PTPRN2: variants seen among roughly 807,000 people sequenced by gnomAD.
The protein encoded by PTPRN2 is protein tyrosine phosphatase receptor type N2.
A neutral mutation model predicts 118.8 loss-of-function variants in PTPRN2; 74 were observed. The ratio of observed to expected loss-of-function variants is 0.62; its 90% CI spans 0.52 to 0.76. PTPRN2 has a LOEUF of 0.76. PTPRN2 is among the 30% of genes least tolerant of loss of function. The probability of loss-of-function intolerance (pLI) is 0.00; values close to 1 mark genes in which losing one functional copy is unlikely to be tolerated. For missense variants in PTPRN2, 1,481 were observed against 1,394.4 expected, an observed-to-expected ratio of 1.06 and a Z score of -0.99; for synonymous variants, 641 against 608.0, an observed-to-expected ratio of 1.05 and a Z score of -0.80.
At chr7:158,071,018 C>CCTG (rs1554527892) in intron 11 of PTPRN2, among the ~76,000 whole-genome samples, 26 of 62,524 alleles carry the variant, frequency 4.2e-4, no homozygotes, top group East Asian at 2.3e-3. Flanking sequence ...TGGAGGTGCT[C>CCTG]GTGGTGGAGG....
intron 3 of PTPRN2, among the ~76,000 whole-genome samples, chr7:158,314,486 T>C (rs936553095): frequency 6.6e-5 from 10 of 152,260 alleles, no homozygotes; most frequent in African/African-American, 2.4e-4. Flanking sequence ...TACCCATATC[T>C]ACGTGCCCTG....
In PTPRN2 at chr7:157,917,426, G is replaced by A. The variant is rs190504317; in HGVS notation, c.1724-18689C>T. Among the ~76,000 whole-genome samples, 83 of 152,288 alleles carry A rather than the reference G, an allele frequency of 5.5e-4. 3 individuals are homozygous for A. In the East Asian group the frequency reaches 0.013, roughly 23 times the overall value. On this transcript the variant is annotated intron_variant, in intron 11 of 22. Coordinates refer to ENST00000389418, the MANE Select transcript of PTPRN2 (RefSeq NM_002847.5). Reference sequence around the variant, plus strand: ...AGCCCTTGTTTTCCAGCCATAACAGGGTAAATAAATGAGACTCTCATCTGC... The same window carrying A: ...AGCCCTTGTTTTCCAGCCATAACAGAGTAAATAAATGAGACTCTCATCTGC...
intron 10 of PTPRN2, among the ~76,000 whole-genome samples, chr7:158,105,058 A>G (rs1362060188): frequency 6.7e-6 from 1 of 149,240 alleles, no homozygotes; most frequent in South Asian, 2.1e-4. Context: ...AACTCCACTC[A>G]GCTCTATCAA....
At chr7:157,680,641 C>T (rs1008067177) in intron 13 of PTPRN2, among the ~76,000 whole-genome samples, 1 of 152,238 alleles carries the variant, frequency 6.6e-6, no homozygotes, top group Non-Finnish European at 1.5e-5. Context: ...GCACCTAGAA[C>T]TTTCTCACCG....
intron 1 of PTPRN2, among the ~76,000 whole-genome samples, chr7:158,528,813 A>G (rs1277537732): frequency 6.6e-6 from 1 of 151,966 alleles, no homozygotes; most frequent in African/African-American, 2.4e-5. Context: ...ACGGAAAAAA[A>G]AAAAAAAAGA....
intron 12 of PTPRN2, among the ~76,000 whole-genome samples, chr7:157,722,276 G>A (rs142073434): frequency 2.0e-5 from 3 of 152,354 alleles, no homozygotes; most frequent in East Asian, 1.9e-4. Flanking sequence ...GGGTGCTCAC[G>A]AATGCTGACT....
chr7:157,971,703 G>A (rs886943050), intron 11 of PTPRN2, among the ~76,000 whole-genome samples: 1 of 151,538 alleles, frequency 6.6e-6, no homozygotes, highest in East Asian at 1.9e-4. Context: ...AAGAAAGAAA[G>A]AAAAAAAACC....
intron 2 of PTPRN2, among the ~76,000 whole-genome samples, chr7:158,486,467 C>T (rs964394473): frequency 7.9e-5 from 12 of 152,192 alleles, no homozygotes; most frequent in Non-Finnish European, 1.6e-4. Flanking sequence ...ACCTGTTTTC[C>T]TCATATTTAG....
intron 12 of PTPRN2, among the ~76,000 whole-genome samples, chr7:157,811,148 G>C (rs980783025): frequency 3.3e-5 from 5 of 151,518 alleles, no homozygotes; most frequent in African/African-American, 1.2e-4. Context: ...GCGGGCACCT[G>C]TAGTCCCAGC....
chr7:157,608,076 T>C (rs1245276079), intron 15 of PTPRN2, among the ~76,000 whole-genome samples: 1 of 152,170 alleles, frequency 6.6e-6, no homozygotes, highest in Non-Finnish European at 1.5e-5. Flanking sequence ...AGCGAAGTCT[T>C]TTTTTTAAAG....
intron 12 of PTPRN2, among the ~76,000 whole-genome samples, chr7:157,786,087 G>A (rs972840196): frequency 3.3e-5 from 5 of 152,286 alleles, no homozygotes; most frequent in East Asian, 1.9e-4. Context: ...CCGAGTGCGC[G>A]CCAAGGGCTT....
intron 12 of PTPRN2, among the ~76,000 whole-genome samples, chr7:157,721,367 G>C (rs1257025110): frequency 1.3e-5 from 2 of 152,354 alleles, no homozygotes. Context: ...CGCATCATGA[G>C]CAATGTTGTA....
intron 13 of PTPRN2, among the ~76,000 whole-genome samples, chr7:157,667,891 G>A (rs1273878029): frequency 1.3e-5 from 2 of 152,234 alleles, no homozygotes; most frequent in African/African-American, 2.4e-5. Flanking sequence ...CTGGAACTGT[G>A]AGTGTGAGCC....
At chr7:158,508,959 T>C (rs73729660) in intron 1 of PTPRN2, among the ~76,000 whole-genome samples, 1,927 of 149,692 alleles carry the variant, frequency 0.013, 88 homozygotes, top group African/African-American at 0.046. Context: ...CAACGTGGGA[T>C]GCTCAGGAGG....
chr7:158,124,069 T>C (rs1182637937), intron 9 of PTPRN2, among the ~76,000 whole-genome samples: 2 of 152,332 alleles, frequency 1.3e-5, no homozygotes, highest in Admixed American at 6.5e-5. Context: ...CAAGTTACCA[T>C]GGGACCTGAG....
At chr7:157,796,292 A>G (rs1022488649) in intron 12 of PTPRN2, among the ~76,000 whole-genome samples, 1 of 152,216 alleles carries the variant, frequency 6.6e-6, no homozygotes, top group South Asian at 2.1e-4. Context: ...TGTTACGTGC[A>G]CTAAGCACAT....
At chr7:157,569,959 C>T (rs1732116324) in intron 20 of PTPRN2, among the ~76,000 whole-genome samples, 1 of 152,236 alleles carries the variant, frequency 6.6e-6, no homozygotes, top group Non-Finnish European at 1.5e-5. Context: ...GCTTTCTATG[C>T]CGTCTGTGAT....
chr7:157,846,515 G>A (rs566102854), intron 12 of PTPRN2, among the ~76,000 whole-genome samples: 22 of 152,020 alleles, frequency 1.4e-4, no homozygotes, highest in Admixed American at 4.6e-4. Context: ...TTTGGGGCCG[G>A]AACGGAGGGG....
intron 2 of PTPRN2, among the ~76,000 whole-genome samples, chr7:158,402,611 G>A (rs180783671): frequency 1.3e-4 from 20 of 152,302 alleles, no homozygotes; most frequent in Admixed American, 2.0e-4. Context: ...CAGAGTCATC[G>A]ATGAGTCTCC....
Sources: allele counts gnomAD v4.1 joint callset (sites outside exome capture counted in the v4.1 genomes callset), GRCh38; gene constraint gnomAD v4.1.1; transcripts MANE v1.5; gene names NCBI Gene and HGNC (gene_info 2026-07-23, HGNC 2026-07-21).